Variants in ZEB1 observed in about 807,000 individuals in gnomAD.
ZEB1 encodes zinc finger E-box binding homeobox 1.
A neutral mutation model predicts 84.9 loss-of-function variants in ZEB1; 21 were observed. The ratio of observed to expected loss-of-function variants is 0.25; its 90% CI spans 0.18 to 0.36. The LOEUF (loss-of-function observed/expected upper bound fraction) is 0.36. Among genes scored for constraint, ZEB1 ranks in the 10% least tolerant of loss-of-function variants. The pLI is 1.00. For synonymous variants in ZEB1, 420 were observed against 471.1 expected, an observed-to-expected ratio of 0.89 and a Z score of 1.41; for missense variants, 1,104 against 1,330.2, an observed-to-expected ratio of 0.83 and a Z score of 2.65.
chr10:31,462,027 C>T (rs542049735), intron 2 of ZEB1, among the ~76,000 whole-genome samples: 12 of 152,156 alleles, frequency 7.9e-5, no homozygotes, highest in African/African-American at 2.4e-4. Flanking sequence ...AACAAGTACA[C>T]GCAATAAATC....
Position 31,521,655 on chromosome 10 carries a change from A to G in ZEB1, c.2323A>G (p.Lys775Glu), listed in dbSNP as rs757736270. ...AGAACCCTTGAACTTGTCTTGCGCA[A>G]AAAAGGAGCCACAAAAGGACAGTTG... is the stretch of plus-strand genomic sequence containing the variant. ...QEEPLNLSCA[K>E]KEPQKDSCVT... The change falls in exon 7 of 9, where the codon AAA becomes GAA. Residue 775 changes from lysine (K) to glutamate (E), a missense_variant. By Grantham distance (56) the Lys-to-Glu change is moderately conservative. Around this residue, in one of 7 missense-constraint regions of ZEB1, gnomAD observed 531 missense variants for 575.2 expected, o/e 0.92. Coordinates refer to ENST00000424869, the MANE Select transcript of ZEB1 (RefSeq NM_001174096.2). 1 of 1,614,126 alleles carries G rather than the reference A, an allele frequency of 6.2e-7. No homozygotes were observed. Among genetic ancestry groups the G allele is most frequent in the Admixed American group, 1.7e-5 (1 of 60,022 alleles).
chr10:31,518,882 A>C (rs1381905715), intron 6 of ZEB1, among the ~76,000 whole-genome samples: 1 of 152,206 alleles, frequency 6.6e-6, no homozygotes, highest in Admixed American at 6.5e-5. Context: ...ATGATTCTTC[A>C]AATAATCATA....
intron 1 of ZEB1, among the ~76,000 whole-genome samples, chr10:31,357,433 T>C (rs1329925929): frequency 6.6e-6 from 1 of 152,084 alleles, no homozygotes; most frequent in East Asian, 1.9e-4. Context: ...AATCAGGCTA[T>C]AAGAACATAG....
chr10:31,526,076 A>G (rs944397252), intron 8 of ZEB1, among the ~76,000 whole-genome samples: 4 of 152,216 alleles, frequency 2.6e-5, no homozygotes, highest in Non-Finnish European at 4.4e-5. Context: ...CGTTCTCAGG[A>G]GGGGCAATAT....
At chr10:31,427,662 G>A (rs1430523660) in intron 1 of ZEB1, among the ~76,000 whole-genome samples, 2 of 152,066 alleles carry the variant, frequency 1.3e-5, no homozygotes, top group South Asian at 2.1e-4. Context: ...GACCATCCTG[G>A]CTAACATGGT....
At chr10:31,425,258 G>GA (rs1315726733) in intron 1 of ZEB1, among the ~76,000 whole-genome samples, 2 of 151,976 alleles carry the variant, frequency 1.3e-5, no homozygotes, top group Non-Finnish European at 2.9e-5. Context: ...AGAATAAAAA[G>GA]AAATCTAGGA....
rs574622041 is a variant in ZEB1 at position 31,325,419 on chromosome 10, G to A, written c.58+6127G>A. ...AACAGCTCCCTGTTGTTTAATACAC[G>A]TTCCCTCTATACATAGGGATTGCAT... is the stretch of plus-strand genomic sequence containing the variant. On this transcript the variant is annotated intron_variant, in intron 1 of 8. Coordinates refer to ENST00000424869, the MANE Select transcript of ZEB1 (RefSeq NM_001174096.2). Among the ~76,000 whole-genome samples, 5 of 151,798 alleles carry A rather than the reference G, an allele frequency of 3.3e-5. No individual in the cohort carries two copies. The East Asian group carries it at 7.7e-4, about 23-fold the overall frequency.
chr10:31,520,251 C>A lies in ZEB1; in HGVS notation c.919C>A (p.Leu307Ile). 1 of 1,613,962 alleles carries A rather than the reference C, an allele frequency of 6.2e-7. No individual in the cohort carries two copies. Among genetic ancestry groups the A allele is most frequent in the Non-Finnish European group, 8.5e-7 (1 of 1,179,908 alleles). ...IPVNGRPRTG[L>I]KTSQCSSPSL... is the part of the protein sequence containing the mutation. ...TGTGAATGGGCGACCAAGAACAGGA[C>A]TCAAGACATCTCAGTGTTCTTCACC... Residue 307 changes from leucine (L) to isoleucine (I), a missense_variant, in exon 7 of 9, where the codon CTC (leucine) becomes ATC (isoleucine). Around this residue, in one of 7 missense-constraint regions of ZEB1, gnomAD observed 111 missense variants for 161.8 expected, o/e 0.69. Coordinates refer to ENST00000424869, the MANE Select transcript of ZEB1 (RefSeq NM_001174096.2). This position sits in a 1 kb window ranked among gnomAD's most constrained non-coding sequence, Gnocchi z 5.1.
chr10:31,376,422 T>G (rs1030638796), intron 1 of ZEB1, among the ~76,000 whole-genome samples: 1 of 151,828 alleles, frequency 6.6e-6, no homozygotes, highest in Non-Finnish European at 1.5e-5. Context: ...ATAACTTATT[T>G]AAAATGAGAA....
chr10:31,416,697 G>A (rs2055272003), intron 1 of ZEB1, among the ~76,000 whole-genome samples: 1 of 152,026 alleles, frequency 6.6e-6, no homozygotes, highest in Non-Finnish European at 1.5e-5. Context: ...GCACCAGAGA[G>A]AAAAATAGAA....
chr10:31,354,779 G>A (rs2041864227), intron 1 of ZEB1, among the ~76,000 whole-genome samples: 1 of 152,138 alleles, frequency 6.6e-6, no homozygotes, highest in Non-Finnish European at 1.5e-5. Flanking sequence ...TCAGCCACAT[G>A]TCACAGAAAG....
intron 1 of ZEB1, among the ~76,000 whole-genome samples, chr10:31,324,640 A>C (rs191827000): frequency 1.5e-3 from 225 of 152,210 alleles, no homozygotes; most frequent in African/African-American, 5.1e-3. Context: ...TCTTTGCAGT[A>C]CAGTCACTAA....
chr10:31,345,499 CT>C (rs2040143959), intron 1 of ZEB1, among the ~76,000 whole-genome samples: 2 of 152,110 alleles, frequency 1.3e-5, no homozygotes, highest in Non-Finnish European at 2.9e-5. Context: ...TATAAAACTA[CT>C]TCCCAGAAGC....
intron 4 of ZEB1, among the ~76,000 whole-genome samples, chr10:31,503,155 C>T (rs995216164): frequency 6.6e-6 from 1 of 151,950 alleles, no homozygotes; most frequent in Non-Finnish European, 1.5e-5. Flanking sequence ...TTCAAAAAGC[C>T]TCACTGAAAG....
chr10:31,340,018 T>G (rs980017998), intron 1 of ZEB1, among the ~76,000 whole-genome samples: 1 of 152,168 alleles, frequency 6.6e-6, no homozygotes, highest in African/African-American at 2.4e-5. Flanking sequence ...TGGTAGATTT[T>G]GGGGTATAAA....
At chr10:31,444,161 T>C (rs1463949077) in intron 1 of ZEB1, among the ~76,000 whole-genome samples, 22 of 150,184 alleles carry the variant, frequency 1.5e-4, no homozygotes, top group African/African-American at 2.0e-4. Context: ...CTCTGATGGC[T>C]AGTGATGATG....
chr10:31,497,353 G>T (rs1270637447), intron 3 of ZEB1, among the ~76,000 whole-genome samples: 1 of 152,050 alleles, frequency 6.6e-6, no homozygotes, highest in Non-Finnish European at 1.5e-5. Context: ...TTGAAGTACT[G>T]AATAGTATGT....
At chr10:31,389,647 A>T (rs895027976) in intron 1 of ZEB1, 2 of 152,058 alleles carry the variant, frequency 1.3e-5, no homozygotes, top group African/African-American at 4.8e-5. Context: ...AGACATCTAG[A>T]CCAGCACTAT....
intron 7 of ZEB1, among the ~76,000 whole-genome samples, chr10:31,522,419 T>C (rs538972547): frequency 1.2e-4 from 19 of 152,336 alleles, no homozygotes; most frequent in Non-Finnish European, 2.2e-4. Context: ...TAAACAGGAA[T>C]GAAGTATACA....
Sources: allele counts gnomAD v4.1 joint callset (sites outside exome capture counted in the v4.1 genomes callset), GRCh38; gene constraint gnomAD v4.1.1; regional missense constraint gnomAD v4.1.1; non-coding constraint Gnocchi (gnomAD v3.1); transcripts MANE v1.5; gene names NCBI Gene and HGNC (gene_info 2026-07-23, HGNC 2026-07-21).